RGS17: variants seen among roughly 807,000 people sequenced by gnomAD.
The protein encoded by RGS17 is regulator of G-protein signaling 17.
In RGS17, 12 loss-of-function variants were observed where a neutral mutation model predicts 25.5. The observed-to-expected ratio is 0.47, with a 90% CI of 0.30 to 0.76. The LOEUF is 0.76. Ranked by LOEUF, RGS17 falls within the 30% of genes least tolerant of loss-of-function variation. The pLI, the probability that RGS17 is intolerant of heterozygous loss-of-function variation, is 0.07. For missense variants in RGS17, 196 were observed against 242.2 expected (o/e 0.81, Z 1.27); for synonymous variants, 71 against 76.9 (o/e 0.92, Z 0.40).
intron 1 of RGS17, among the ~76,000 whole-genome samples, chr6:153,049,389 A>C (rs1303083925): frequency 6.6e-6 from 1 of 152,196 alleles, no homozygotes; most frequent in African/African-American, 2.4e-5. Flanking sequence ...ACATAAAATA[A>C]GACCTGAATA....
At chr6:153,084,345 T>G (rs1688349777) in intron 1 of RGS17, among the ~76,000 whole-genome samples, 1 of 152,192 alleles carries the variant, frequency 6.6e-6, no homozygotes. Flanking sequence ...TTGTTTTCTA[T>G]TTTATTCTAG....
intron 1 of RGS17, among the ~76,000 whole-genome samples, chr6:153,071,026 TG>T (rs1404382940): frequency 6.7e-6 from 1 of 148,188 alleles, no homozygotes; most frequent in African/African-American, 2.6e-5. Flanking sequence ...TATGTGTATA[TG>T]TATATATACG....
intron 1 of RGS17, among the ~76,000 whole-genome samples, chr6:153,078,262 T>C (rs577856357): frequency 6.6e-6 from 1 of 152,308 alleles, no homozygotes; most frequent in East Asian, 1.9e-4. Flanking sequence ...ATAGTCTGGA[T>C]GCTTTGCATT....
intron 1 of RGS17, among the ~76,000 whole-genome samples, chr6:153,125,707 G>C (rs141864488): frequency 6.6e-6 from 1 of 152,086 alleles, no homozygotes; most frequent in African/African-American, 2.4e-5. Context: ...ACAAAAATTA[G>C]CTGGGCGTCG....
chr6:153,110,467 A>G (rs1041236531), intron 1 of RGS17, among the ~76,000 whole-genome samples: 12 of 113,590 alleles, frequency 1.1e-4, no homozygotes, highest in Non-Finnish European at 1.9e-4. Context: ...CTTCAATATA[A>G]TAAGGGTTTT....
At chr6:153,062,339 C>T (rs1776650987) in intron 1 of RGS17, among the ~76,000 whole-genome samples, 1 of 152,150 alleles carries the variant, frequency 6.6e-6, no homozygotes, top group African/African-American at 2.4e-5. Context: ...AGGGACAACA[C>T]AACAATTGTA....
intron 1 of RGS17, among the ~76,000 whole-genome samples, chr6:153,077,614 T>C (rs1008095904): frequency 2.0e-5 from 3 of 152,168 alleles, no homozygotes; most frequent in Non-Finnish European, 4.4e-5. Context: ...AAATTATCAT[T>C]GACAACAAAA....
intron 1 of RGS17, among the ~76,000 whole-genome samples, chr6:153,086,694 A>G (rs1056259658): frequency 7.2e-5 from 11 of 152,236 alleles, no homozygotes; most frequent in African/African-American, 1.9e-4. Flanking sequence ...TCCATCATAT[A>G]GAGGAAGAAA....
At chr6:153,028,561 T>C (rs1474077873) in intron 2 of RGS17, among the ~76,000 whole-genome samples, 2 of 152,160 alleles carry the variant, frequency 1.3e-5, no homozygotes, top group East Asian at 3.8e-4. Flanking sequence ...AGTTCTTCTC[T>C]GGAATTTGAT....
chr6:153,092,879 G>A (rs892056874), intron 1 of RGS17, among the ~76,000 whole-genome samples: 21 of 152,056 alleles, frequency 1.4e-4, no homozygotes, highest in Non-Finnish European at 2.9e-4. Flanking sequence ...TCTATGATTC[G>A]CTTTCATTTG....
intron 1 of RGS17, among the ~76,000 whole-genome samples, chr6:153,074,210 T>A (rs1197110686): frequency 6.6e-6 from 1 of 152,174 alleles, no homozygotes; most frequent in African/African-American, 2.4e-5. Context: ...CTTACACAAT[T>A]TTTTTACATT....
At chr6:153,065,332 C>T (rs1014736849) in intron 1 of RGS17, among the ~76,000 whole-genome samples, 8 of 152,050 alleles carry the variant, frequency 5.3e-5, no homozygotes, top group Admixed American at 1.3e-4. Flanking sequence ...TCTAAAGAAA[C>T]AGGCCCCAGT....
At position 153,006,701 on chromosome 6, in the gene RGS17, TAAA is replaced by T. The variant is rs1222488293; in HGVS notation, c.*4870_*4872del. The T allele has an allele frequency of 6.6e-6, 1 of 152,244 alleles. No homozygotes were observed. The highest frequency in any genetic ancestry group is 1.9e-4 in the East Asian group (1 of 5,202). 9.4% of individuals were successfully genotyped at this position (152,244 alleles called of 1,614,324 possible). ...CAATTATTGACGTGATGCACTTTGA[TAAA>T]ATAATAATGTATGCCACACTTTATT... On this transcript the variant is annotated 3_prime_UTR_variant, in exon 5 of 5. Coordinates refer to ENST00000206262, the MANE Select transcript of RGS17 (RefSeq NM_012419.5).
chr6:153,100,871 C>A (rs1430754651), intron 1 of RGS17, among the ~76,000 whole-genome samples: 1 of 152,134 alleles, frequency 6.6e-6, no homozygotes, highest in East Asian at 1.9e-4. Flanking sequence ...AAAACACGTT[C>A]AAAAAAGGCA....
At chr6:153,056,268 A>G (rs879327926) in intron 1 of RGS17, among the ~76,000 whole-genome samples, 1 of 152,352 alleles carries the variant, frequency 6.6e-6, no homozygotes, top group Non-Finnish European at 1.5e-5. Flanking sequence ...TGAGCGTCTC[A>G]TAAGAACACT....
At chr6:153,088,094 G>C (rs1342048187) in intron 1 of RGS17, among the ~76,000 whole-genome samples, 3 of 152,158 alleles carry the variant, frequency 2.0e-5, no homozygotes, top group African/African-American at 7.2e-5. Context: ...TACAGTCCTT[G>C]CTAGAGGACC....
chr6:153,098,049 C>A (rs1777243547), intron 1 of RGS17, among the ~76,000 whole-genome samples: 1 of 152,018 alleles, frequency 6.6e-6, no homozygotes. Context: ...CAAGAGCTGC[C>A]AGGAAAGTAA....
intron 1 of RGS17, among the ~76,000 whole-genome samples, chr6:153,046,644 C>T (rs943727861): frequency 6.6e-5 from 10 of 152,012 alleles, no homozygotes; most frequent in East Asian, 3.9e-4. Context: ...CAAACAATCC[C>T]GAAGATGGTG....
chr6:153,116,178 C>T (rs182931742), intron 1 of RGS17, among the ~76,000 whole-genome samples: 2 of 152,250 alleles, frequency 1.3e-5, no homozygotes, highest in African/African-American at 4.8e-5. Flanking sequence ...GTCTGTCTGA[C>T]AAAGGGCTAA....
Sources: gnomAD v4.1 joint callset for allele counts (sites outside exome capture counted in the v4.1 genomes callset) on GRCh38, gnomAD v4.1.1 for gene constraint, MANE v1.5 for transcripts, NCBI Gene and HGNC (gene_info 2026-07-23, HGNC 2026-07-21) for gene names.